CCBE1: variants seen among roughly 807,000 people sequenced by gnomAD.
CCBE1 encodes collagen and calcium binding EGF domains 1.
Under a neutral mutation model 50.0 loss-of-function variants are expected in CCBE1, and 37 were observed. That is an observed-to-expected ratio of 0.74 (90% CI 0.57 to 0.97). The LOEUF (loss-of-function observed/expected upper bound fraction) is 0.97. Ranked by LOEUF, CCBE1 falls within the 50% of genes least tolerant of loss-of-function variation. CCBE1 has a pLI of 0.00. For missense variants in CCBE1, 538 were observed against 523.8 expected (o/e 1.03, Z -0.26); for synonymous variants, 234 against 203.7 (o/e 1.15, Z -1.27).
chr18:59,607,057 GAAA>G (rs59954169), intron 2 of CCBE1, among the ~76,000 whole-genome samples: 3,966 of 117,320 alleles, frequency 0.034, 175 homozygotes, highest in African/African-American at 0.11. Context: ...GTTGAATTGG[GAAA>G]AAAAAAAAAA....
intron 2 of CCBE1, among the ~76,000 whole-genome samples, chr18:59,627,211 C>T (rs979979348): frequency 3.3e-5 from 5 of 152,194 alleles, no homozygotes; most frequent in Non-Finnish European, 7.3e-5. Flanking sequence ...GATATATACA[C>T]CATATTGTCC....
chr18:59,569,064 C>A (rs939673777), intron 2 of CCBE1, among the ~76,000 whole-genome samples: 13 of 152,186 alleles, frequency 8.5e-5, no homozygotes, highest in African/African-American at 2.7e-4. Flanking sequence ...AGGGGTGCAT[C>A]TCGGGTTATC....
At chr18:59,462,737 G>T (rs768859136) in intron 5 of CCBE1, among the ~76,000 whole-genome samples, 11 of 151,176 alleles carry the variant, frequency 7.3e-5, no homozygotes, top group Non-Finnish European at 1.3e-4. Flanking sequence ...CATTCTAATT[G>T]TGACCCCTTA....
Position 59,641,514 on chromosome 18 carries a change from G to A in CCBE1, c.212+55115C>T, listed in dbSNP as rs944237726. On this transcript the variant is annotated intron_variant, in intron 2 of 10. Transcript: ENST00000439986. The stretch of plus-strand genomic sequence containing the variant: ...ATTGGGTACACTATCCTTATTACCT[G>A]GGTGATAAAATAATCTGTACACCAA... Among the ~76,000 whole-genome samples, 8 of 150,792 alleles carry A rather than the reference G, an allele frequency of 5.3e-5. No homozygotes were observed. The Admixed American group carries it at 5.3e-4, about 10-fold the overall frequency.
chr18:59,670,440 G>C (rs577535241), intron 2 of CCBE1, among the ~76,000 whole-genome samples: 46 of 152,290 alleles, frequency 3.0e-4, no homozygotes, highest in Admixed American at 2.5e-3. Context: ...GTTCCTAAGG[G>C]AAGGCATGTG....
chr18:59,651,344 G>T (rs1443961072), intron 2 of CCBE1, among the ~76,000 whole-genome samples: 1 of 152,174 alleles, frequency 6.6e-6, no homozygotes, highest in Non-Finnish European at 1.5e-5. Flanking sequence ...ATACCACCGG[G>T]TTATGGGAAC....
At chr18:59,530,681 CAG>C (rs1915014752) in intron 2 of CCBE1, among the ~76,000 whole-genome samples, 1 of 152,152 alleles carries the variant, frequency 6.6e-6, no homozygotes, top group Non-Finnish European at 1.5e-5. Context: ...ATAAAATTGA[CAG>C]AGCTTCTGTA....
intron 7 of CCBE1, among the ~76,000 whole-genome samples, chr18:59,444,869 T>C (rs1910602663): frequency 6.6e-6 from 1 of 152,208 alleles, no homozygotes; most frequent in Non-Finnish European, 1.5e-5. Flanking sequence ...AAATGTCTAT[T>C]CAAGTCCTTT....
chr18:59,583,360 G>A (rs968648614), intron 2 of CCBE1, among the ~76,000 whole-genome samples: 1 of 152,154 alleles, frequency 6.6e-6, no homozygotes, highest in African/African-American at 2.4e-5. Flanking sequence ...GGAACTTCAA[G>A]GCACTTCCCC....
At chr18:59,602,101 C>A (rs2053441434) in intron 2 of CCBE1, among the ~76,000 whole-genome samples, 1 of 149,424 alleles carries the variant, frequency 6.7e-6, no homozygotes, top group African/African-American at 2.5e-5. Flanking sequence ...TTTGTTATTA[C>A]AAATGTGAAT....
At chr18:59,582,621 T>C (rs2053102208) in intron 2 of CCBE1, among the ~76,000 whole-genome samples, 1 of 152,120 alleles carries the variant, frequency 6.6e-6, no homozygotes. Context: ...TTGCTGAGCC[T>C]GACAGCAGCA....
intron 2 of CCBE1, among the ~76,000 whole-genome samples, chr18:59,550,028 C>A (rs1915855974): frequency 6.6e-6 from 1 of 152,206 alleles, no homozygotes; most frequent in Non-Finnish European, 1.5e-5. Context: ...TTGGAATGGG[C>A]ACTTTCAGGA....
intron 2 of CCBE1, among the ~76,000 whole-genome samples, chr18:59,633,744 T>TTTTTA (rs375734821): frequency 1.3e-3 from 195 of 151,584 alleles, no homozygotes; most frequent in African/African-American, 4.5e-3. Flanking sequence ...TTTTTTTTTT[T>TTTTTA]AAAATAAAAC....
Position 59,623,740 on chromosome 18 carries a change from C to T in CCBE1, c.212+72889G>A, listed in dbSNP as rs1835233. On this transcript the variant is annotated intron_variant, in intron 2 of 10. Transcript: ENST00000439986. ...TGTTTATAAATTGTTTACCATTAGGCGCATCTACCAGCAACAGACAGGGGA... is the reference window on the plus strand; with the variant it reads ...TGTTTATAAATTGTTTACCATTAGGTGCATCTACCAGCAACAGACAGGGGA... Among the ~76,000 whole-genome samples the T allele has an allele frequency of 5.4e-3, 828 of 152,140 alleles. 11 individuals are homozygous for T. Among genetic ancestry groups the T allele is most frequent in the African/African-American group, 0.019 (774 of 41,486 alleles).
chr18:59,448,623 G>A (rs1194072643), intron 6 of CCBE1, among the ~76,000 whole-genome samples: 2 of 152,154 alleles, frequency 1.3e-5, no homozygotes, highest in East Asian at 3.9e-4. Context: ...CGTGACTGTG[G>A]TGGTTGTAAA....
rs2143586640 is a variant in CCBE1 at position 59,431,574 on chromosome 18, G to T, written c.*4334C>A. 1 of 152,278 alleles carries T rather than the reference G, an allele frequency of 6.6e-6. No homozygotes were observed. The highest frequency in any genetic ancestry group is 2.4e-5 in the African/African-American group (1 of 41,544). 9.4% of individuals were successfully genotyped at this position (152,278 alleles called of 1,614,324 possible). On this transcript the variant is annotated 3_prime_UTR_variant, in exon 11 of 11. Transcript: ENST00000439986. Reference sequence around the variant, plus strand: ...TACCTGAAAACCTACAGAAATGTCTGGCCTGGAGAAGCCCTCCCTTGCATA... The same window carrying T: ...TACCTGAAAACCTACAGAAATGTCTTGCCTGGAGAAGCCCTCCCTTGCATA...
At chr18:59,624,984 A>G (rs2053760551) in intron 2 of CCBE1, among the ~76,000 whole-genome samples, 1 of 152,278 alleles carries the variant, frequency 6.6e-6, no homozygotes, top group African/African-American at 2.4e-5. Flanking sequence ...TCACACAGCT[A>G]AATCTCTGGA....
chr18:59,578,501 C>T (rs746649133), intron 2 of CCBE1, among the ~76,000 whole-genome samples: 15 of 152,272 alleles, frequency 9.9e-5, no homozygotes, highest in Non-Finnish European at 1.8e-4. Flanking sequence ...TACACACGTA[C>T]GTTTACTGCG....
At chr18:59,622,217 A>G (rs1411577437) in intron 2 of CCBE1, among the ~76,000 whole-genome samples, 1 of 152,218 alleles carries the variant, frequency 6.6e-6, no homozygotes, top group Non-Finnish European at 1.5e-5. Flanking sequence ...GCCCATGAAT[A>G]CTGTACAGAT....
Sources: gnomAD v4.1 joint callset for allele counts (sites outside exome capture counted in the v4.1 genomes callset) on GRCh38, gnomAD v4.1.1 for gene constraint, MANE v1.5 for transcripts, NCBI Gene and HGNC (gene_info 2026-07-23, HGNC 2026-07-21) for gene names.